MTAP: variants seen among roughly 807,000 people sequenced by gnomAD.
MTAP encodes the protein methylthioadenosine phosphorylase, also known as S-methyl-5'-thioadenosine phosphorylase.
Under a neutral mutation model 33.6 loss-of-function variants are expected in MTAP, and 33 were observed. The observed-to-expected ratio is 0.98, with a 90% confidence interval of 0.74 to 1.31. The LOEUF is 1.31. Among genes scored for constraint, MTAP ranks in the 40% most tolerant of loss-of-function variants. The probability of loss-of-function intolerance (pLI) is 0.00; values close to 1 mark genes in which losing one functional copy is unlikely to be tolerated. For synonymous variants in MTAP, 148 were observed against 125.7 expected, an observed-to-expected ratio of 1.18 and a Z score of -1.19; for missense variants, 367 against 360.0, an observed-to-expected ratio of 1.02 and a Z score of -0.16.
downstream of MTAP, chr9:21,941,065 A>G (rs1238302895): frequency 1.2e-6 from 1 of 862,274 alleles, no homozygotes; most frequent in Admixed American, 6.2e-5. Flanking sequence ...CAAACTCTGC[A>G]TGTATAATAG....
At chr9:21,894,412 G>A (rs148755205) in intron 1 of MTAP, among the ~76,000 whole-genome samples, 4 of 151,898 alleles carry the variant, frequency 2.6e-5, no homozygotes, top group Non-Finnish European at 5.9e-5. Flanking sequence ...AGAGCAATAA[G>A]GCAAGTGAAA....
At chr9:21,821,260 G>T (rs1036150629) in intron 4 of MTAP, among the ~76,000 whole-genome samples, 10 of 152,148 alleles carry the variant, frequency 6.6e-5, no homozygotes, top group African/African-American at 2.2e-4. Context: ...TGGCTGTGGG[G>T]TTGTCATAAA....
chr9:21,913,880 A>G (rs192369515), intron 1 of MTAP, among the ~76,000 whole-genome samples: 4 of 152,374 alleles, frequency 2.6e-5, no homozygotes, highest in East Asian at 1.9e-4. Context: ...CAATCTACTC[A>G]TCTGACAAAG....
chr9:21,821,839 C>T (rs1824649169), intron 4 of MTAP, among the ~76,000 whole-genome samples: 1 of 152,188 alleles, frequency 6.6e-6, no homozygotes, highest in Non-Finnish European at 1.5e-5. Flanking sequence ...GATTCAATTT[C>T]TTCCTGGTTT....
chr9:21,806,540 A>T (rs1824212573), intron 1 of MTAP, among the ~76,000 whole-genome samples: 1 of 151,840 alleles, frequency 6.6e-6, no homozygotes, highest in Admixed American at 6.6e-5. Flanking sequence ...AGGTTGAGGG[A>T]GGGAGGAAGC....
At chr9:21,911,564 A>G (rs916158073) in intron 1 of MTAP, among the ~76,000 whole-genome samples, 9 of 152,210 alleles carry the variant, frequency 5.9e-5, no homozygotes, top group Admixed American at 1.3e-4. Flanking sequence ...AGAAATAAAA[A>G]TGTTCTTTGA....
intron 1 of MTAP, among the ~76,000 whole-genome samples, chr9:21,919,721 A>G (rs1818755379): frequency 6.6e-6 from 1 of 152,246 alleles, no homozygotes; most frequent in Non-Finnish European, 1.5e-5. Context: ...TGATAGAATC[A>G]TAGCTTAGAG....
At chr9:21,891,790 T>C (rs990624435) in intron 1 of MTAP, among the ~76,000 whole-genome samples, 4 of 152,098 alleles carry the variant, frequency 2.6e-5, no homozygotes, top group African/African-American at 4.8e-5. Context: ...TGTAAGATAC[T>C]ATACAAAATG....
In MTAP at chr9:21,837,793, T is replaced by C. The variant is rs1202331432; in HGVS notation, c.348-115T>C. On this transcript the variant is annotated intron_variant, in intron 4 of 7. Transcript: ENST00000644715. ...CTTTAGCTTATCCAGAGGAATTGAG[T>C]CTGGAGTAAAGACCCAAATATTGAC... The C allele has an allele frequency of 3.9e-6, 3 of 759,618 alleles. No individual in the cohort carries two copies. The African/African-American group carries it at 5.3e-5, about 13-fold the overall frequency. The allele number at this position is 759,618 out of a possible 1,614,324, so 47.1% of individuals were successfully genotyped here. A position where few individuals can be genotyped will look rare whatever the true frequency, so the allele number is the denominator to read the frequency against.
At position 21,922,959 on chromosome 9, in the gene MTAP, C is replaced by T. The variant is rs1818812946; in HGVS notation, c.148-8049C>T. On this transcript the variant is annotated intron_variant, in intron 1 of 1. Coordinates refer to the MTAP transcript ENST00000577563. The surrounding 1 kb of genome is among the most constrained non-coding windows in gnomAD (Gnocchi z 4.8). ...TTTTTCAAATACAATTGTCTTTTTC[C>T]CCAAAACCCACACCACCTATTCTCC... Among the ~76,000 whole-genome samples, 1 of 152,142 alleles carries T rather than the reference C, an allele frequency of 6.6e-6. No homozygotes were observed. The highest frequency in any genetic ancestry group is 2.4e-5 in the African/African-American group (1 of 41,426).
intron 1 of MTAP, among the ~76,000 whole-genome samples, chr9:21,890,840 T>C (rs971962506): frequency 1.4e-5 from 2 of 147,530 alleles, no homozygotes; most frequent in Non-Finnish European, 2.9e-5. Flanking sequence ...CTTCAAAAGG[T>C]CTGTGAATTA....
intron 1 of MTAP, among the ~76,000 whole-genome samples, chr9:21,877,069 T>G (rs1364254727): frequency 2.6e-5 from 4 of 152,120 alleles, no homozygotes; most frequent in Non-Finnish European, 5.9e-5. Context: ...TGTGGAAATC[T>G]TTCACTTTCC....
intron 5 of MTAP, among the ~76,000 whole-genome samples, chr9:21,852,509 CAA>C (rs10628807): frequency 6.6e-4 from 76 of 114,572 alleles, no homozygotes; most frequent in East Asian, 9.3e-4. Flanking sequence ...GACTCCATCT[CAA>C]AAAAAAAAAA....
At chr9:21,821,278 T>A (rs186431191) in intron 4 of MTAP, among the ~76,000 whole-genome samples, 200 of 152,330 alleles carry the variant, frequency 1.3e-3, no homozygotes, top group South Asian at 8.5e-3. Context: ...AAATAGCTCT[T>A]ATTATTTTGA....
chr9:21,834,298 G>A (rs1825047798), intron 4 of MTAP, among the ~76,000 whole-genome samples: 1 of 152,214 alleles, frequency 6.6e-6, no homozygotes, highest in Admixed American at 6.5e-5. Flanking sequence ...GAGGCACACA[G>A]CTAGTGAGTG....
intron 1 of MTAP, among the ~76,000 whole-genome samples, chr9:21,878,690 G>T (rs1826047623): frequency 6.6e-6 from 1 of 151,964 alleles, no homozygotes; most frequent in Non-Finnish European, 1.5e-5. Context: ...TAATGTGGGT[G>T]TTTAGTGCCA....
At chr9:21,853,035 A>G (rs959967372) in intron 5 of MTAP, among the ~76,000 whole-genome samples, 6 of 152,146 alleles carry the variant, frequency 3.9e-5, no homozygotes, top group African/African-American at 1.4e-4. Flanking sequence ...TTGCTGCCTT[A>G]AGATAGTGTT....
intron 1 of MTAP, among the ~76,000 whole-genome samples, chr9:21,894,461 T>C (rs1434921530): frequency 1.3e-5 from 2 of 151,888 alleles, no homozygotes; most frequent in African/African-American, 4.8e-5. Flanking sequence ...AGAAGTCAAC[T>C]ATCTCTCTTC....
intron 1 of MTAP, among the ~76,000 whole-genome samples, chr9:21,927,416 T>A (rs1273814061): frequency 1.3e-5 from 2 of 152,146 alleles, no homozygotes; most frequent in Non-Finnish European, 2.9e-5. Flanking sequence ...GACAACAGAC[T>A]GCTAAACTAC....
Sources: allele counts gnomAD v4.1 joint callset (sites outside exome capture counted in the v4.1 genomes callset), GRCh38; gene constraint gnomAD v4.1.1; non-coding constraint Gnocchi (gnomAD v3.1); transcripts MANE v1.5; gene names NCBI Gene and HGNC (gene_info 2026-07-23, HGNC 2026-07-21).